FOXK1: variants seen among roughly 807,000 people sequenced by gnomAD.
FOXK1 encodes forkhead box K1.
In FOXK1, 19 loss-of-function variants were observed where a neutral mutation model predicts 51.9. The observed-to-expected ratio is 0.37, with a 90% CI of 0.26 to 0.54. The LOEUF (loss-of-function observed/expected upper bound fraction) is 0.54. FOXK1 is among the 20% of genes least tolerant of loss of function. The pLI, the probability that FOXK1 is intolerant of heterozygous loss-of-function variation, is 0.87. For synonymous variants in FOXK1, 537 were observed against 482.6 expected (o/e 1.11, Z -1.48); for missense variants, 870 against 1,032.7 (o/e 0.84, Z 2.16).
Position 4,683,648 on chromosome 7 carries a change from C to T in FOXK1, c.560+780C>T, listed in dbSNP as rs1178464297. Reference sequence around the variant, plus strand: ...CCTGGTTCTCAGGACCACCCCCGACCCCCACCAGCCAGGGCCTCAAGTCAC... The same window carrying T: ...CCTGGTTCTCAGGACCACCCCCGACTCCCACCAGCCAGGGCCTCAAGTCAC... On this transcript the variant is annotated intron_variant, in intron 1 of 8. Coordinates refer to ENST00000328914, the MANE Select transcript of FOXK1 (RefSeq NM_001037165.2). This position sits in a 1 kb window ranked among gnomAD's most constrained non-coding sequence, Gnocchi z 4.5. 6.6e-6 allele frequency among the ~76,000 whole-genome samples: 1 copy of T among 152,140 alleles called. No individual in the cohort carries two copies. The highest frequency in any genetic ancestry group is 1.5e-5 in the Non-Finnish European group (1 of 68,004).
chr7:4,728,068 G>A (rs982096518), intron 1 of FOXK1, among the ~76,000 whole-genome samples: 3 of 152,162 alleles, frequency 2.0e-5, no homozygotes, highest in Admixed American at 1.3e-4. Flanking sequence ...CTGGGCCCCC[G>A]GGACAGCAAC....
Position 4,729,551 on chromosome 7 carries a change from G to T in FOXK1, c.561-11287G>T, listed in dbSNP as rs1246663384. On this transcript the variant is annotated intron_variant, in intron 1 of 8. Transcript: ENST00000328914. This position sits in a 1 kb window ranked among gnomAD's most constrained non-coding sequence, Gnocchi z 6.2. ...TGCCGGGCCCCGGGAGCCCCACCCG[G>T]CAGGACACACACCTGAGCCCCAGGG... Among the ~76,000 whole-genome samples, 1 of 152,198 alleles carries T rather than the reference G, an allele frequency of 6.6e-6. No homozygotes were observed. Among genetic ancestry groups the T allele is most frequent in the African/African-American group, 2.4e-5 (1 of 41,472 alleles).
intron 1 of FOXK1, among the ~76,000 whole-genome samples, chr7:4,699,306 A>G (rs893975430): frequency 7.9e-5 from 11 of 138,524 alleles, no homozygotes; most frequent in African/African-American, 3.0e-4. Flanking sequence ...TTTTTTTGAG[A>G]CAGTCTCACT....
intron 2 of FOXK1, among the ~76,000 whole-genome samples, chr7:4,751,910 C>T (rs982251370): frequency 1.3e-5 from 2 of 152,116 alleles, no homozygotes; most frequent in South Asian, 4.1e-4. Context: ...TGAAATCATT[C>T]TCTGGGGAAT....
chr7:4,720,763 G>A (rs114492179), intron 1 of FOXK1, among the ~76,000 whole-genome samples: 2,285 of 151,140 alleles, frequency 0.015, 58 homozygotes, highest in African/African-American at 0.053. Context: ...GCAATGGCGC[G>A]ATCTCGGTGC....
In FOXK1 at chr7:4,682,619, C is replaced by G. The variant is rs762878185; in HGVS notation, c.311C>G (p.Pro104Arg). Residue 104 changes from proline to arginine, a missense_variant, in exon 1 of 9, where the codon CCG (proline) becomes CGG (arginine). By Grantham distance (103) the Pro-to-Arg change is moderately radical. Coordinates refer to ENST00000328914, the MANE Select transcript of FOXK1 (RefSeq NM_001037165.2). This position sits in a 1 kb window ranked among gnomAD's most constrained non-coding sequence, Gnocchi z 7.6. ...AAASVRQSPG[P>R]ALARLEGREF... ...GCCTCGGTACGGCAGAGCCCGGGGC[C>G]GGCGCTGGCGCGGCTGGAGGGCCGC... 2.6e-6 allele frequency: 4 copies of G among 1,516,382 alleles called. No individual in the cohort carries two copies. The highest frequency in any genetic ancestry group is 1.2e-5 in the South Asian group (1 of 81,682). The allele number at this position is 1,516,382 out of a possible 1,614,324, so 93.9% of individuals were successfully genotyped here.
In FOXK1 at chr7:4,715,576, T is replaced by C. The variant is rs1780223548; in HGVS notation, c.561-25262T>C. ...TAAGCAGAGCCAAGTTTAGAATGAA[T>C]GAATAGGATATTTTGAAATGCTCTG... On this transcript the variant is annotated intron_variant, in intron 1 of 8. Transcript: ENST00000328914. The surrounding 1 kb of genome is among the most constrained non-coding windows in gnomAD (Gnocchi z 4.5). Among the ~76,000 whole-genome samples the C allele has an allele frequency of 6.6e-6, 1 of 152,194 alleles. No individual in the cohort carries two copies. The highest frequency in any genetic ancestry group is 2.1e-4 in the South Asian group (1 of 4,828).
intron 1 of FOXK1, among the ~76,000 whole-genome samples, chr7:4,724,571 A>C (rs547454735): frequency 6.6e-6 from 1 of 152,100 alleles, no homozygotes; most frequent in African/African-American, 2.4e-5. Context: ...ATTTTGTCCA[A>C]ATGTGTCAAT....
rs1040853226 is a variant in FOXK1 at position 4,741,076 on chromosome 7, C to G, written c.746+53C>G. 5.4e-6 allele frequency: 7 copies of G among 1,299,194 alleles called. No individual in the cohort carries two copies. The African/African-American group carries it at 7.8e-5, about 14-fold the overall frequency. The allele number at this position is 1,299,194 out of a possible 1,614,324, so 80.5% of individuals were successfully genotyped here. On this transcript the variant is annotated intron_variant, in intron 2 of 8. Transcript: ENST00000328914. ...GCCCCCAGGAGAGAGGGGGATGATG[C>G]GAGCGTGCCTGTCGTACGCAGCACC...
rs1465537771 is a variant in FOXK1 at position 4,731,318 on chromosome 7, A to T, written c.561-9520A>T. Among the ~76,000 whole-genome samples the T allele has an allele frequency of 2.0e-5, 3 of 152,222 alleles. No homozygotes were observed. The highest frequency in any genetic ancestry group is 4.4e-5 in the Non-Finnish European group (3 of 68,038). ...ACCACTTAACAGAACCAGGCGAGCC[A>T]GGTTTAGTACTTTATCGGGTATCCT... is the stretch of plus-strand genomic sequence containing the variant. On this transcript the variant is annotated intron_variant, in intron 1 of 8. Coordinates refer to ENST00000328914, the MANE Select transcript of FOXK1 (RefSeq NM_001037165.2). The surrounding 1 kb of genome is among the most constrained non-coding windows in gnomAD (Gnocchi z 5.3).
rs191122524 is a variant in FOXK1 at position 4,760,915 on chromosome 7, A to G, written c.1697-149A>G. 11 of 677,172 alleles carry G rather than the reference A, an allele frequency of 1.6e-5. No homozygotes were observed. In the Admixed American group the frequency reaches 1.9e-4, roughly 12 times the overall value. The allele number at this position is 677,172 out of a possible 1,614,324, so 41.9% of individuals were successfully genotyped here. A position where few individuals can be genotyped will look rare whatever the true frequency, so the allele number is the denominator to read the frequency against. On this transcript the variant is annotated intron_variant, in intron 7 of 8. Coordinates refer to ENST00000328914, the MANE Select transcript of FOXK1 (RefSeq NM_001037165.2). ...CCCTAGTAATTTTCTTCCCAAACCT[A>G]TTTCACCCATGGGATTTTCCTCTAG...
Position 4,715,207 on chromosome 7 carries a change from G to T in FOXK1, c.561-25631G>T, listed in dbSNP as rs1432773768. On this transcript the variant is annotated intron_variant, in intron 1 of 8. Coordinates refer to ENST00000328914, the MANE Select transcript of FOXK1 (RefSeq NM_001037165.2). This position sits in a 1 kb window ranked among gnomAD's most constrained non-coding sequence, Gnocchi z 4.5. ...CACGGTGGAACTGTGGCGATACGGG[G>T]CACGGTGGAACTGTGATGATATCGG... Among the ~76,000 whole-genome samples, 1 of 152,172 alleles carries T rather than the reference G, an allele frequency of 6.6e-6. No individual in the cohort carries two copies. The highest frequency in any genetic ancestry group is 1.5e-5 in the Non-Finnish European group (1 of 68,030).
At chr7:4,740,592 C>CAG (rs113793628) in intron 1 of FOXK1, among the ~76,000 whole-genome samples, 13,311 of 151,838 alleles carry the variant, frequency 0.088, 1,029 homozygotes, top group African/African-American at 0.21. Context: ...GCCTGGGTGA[C>CAG]AGCGAGACTC....
At chr7:4,726,478 C>T (rs577076985) in intron 1 of FOXK1, among the ~76,000 whole-genome samples, 5 of 152,242 alleles carry the variant, frequency 3.3e-5, no homozygotes, top group South Asian at 2.1e-4. Context: ...AAAAGTTAGC[C>T]GGGCACAGTG....
rs1327542310 is a variant in FOXK1, at chr7:4,766,371, A to T, written c.*3907A>T. On this transcript the variant is annotated 3_prime_UTR_variant, in exon 9 of 9. Coordinates refer to ENST00000328914, the MANE Select transcript of FOXK1 (RefSeq NM_001037165.2). The surrounding 1 kb of genome is among the most constrained non-coding windows in gnomAD (Gnocchi z 5.5). Reference sequence around the variant, plus strand: ...GTCCCTATCCAGAGACCCTCCAGGCAGTGCTGGGAAGACACTGGTGGCGGG... The same window carrying T: ...GTCCCTATCCAGAGACCCTCCAGGCTGTGCTGGGAAGACACTGGTGGCGGG... 1 of 152,136 alleles carries T rather than the reference A, an allele frequency of 6.6e-6. No homozygotes were observed. Among genetic ancestry groups the T allele is most frequent in the East Asian group, 1.9e-4 (1 of 5,184 alleles). The allele number at this position is 152,136 out of a possible 1,614,324, so 9.4% of individuals were successfully genotyped here.
At chr7:4,704,742 G>C (rs932209247) in intron 1 of FOXK1, among the ~76,000 whole-genome samples, 1 of 150,824 alleles carries the variant, frequency 6.6e-6, no homozygotes, top group African/African-American at 2.5e-5. Context: ...TTCTTCTGTT[G>C]TTTCTGTAGA....
At position 4,747,345 on chromosome 7, in the gene FOXK1, G is replaced by A. The variant is rs963575104; in HGVS notation, c.746+6322G>A. 2.0e-4 allele frequency among the ~76,000 whole-genome samples: 30 copies of A among 152,318 alleles called. 1 individual carries two copies. The highest frequency in any genetic ancestry group is 1.2e-3 in the Admixed American group (18 of 15,304). ...ACCCCGGAACCTGCCTAGCTGCGGG[G>A]CCGCCTCTCCGCTCAAGCACCCACT... On this transcript the variant is annotated intron_variant, in intron 2 of 8. Transcript: ENST00000328914. The surrounding 1 kb of genome is among the most constrained non-coding windows in gnomAD (Gnocchi z 9.2).
At chr7:4,706,842 C>T (rs796112411) in intron 1 of FOXK1, among the ~76,000 whole-genome samples, 41 of 152,214 alleles carry the variant, frequency 2.7e-4, no homozygotes, top group African/African-American at 9.9e-4. Flanking sequence ...GCCCGGATGC[C>T]GACCCCCAAT....
At chr7:4,694,190 T>C (rs1467210951) in intron 1 of FOXK1, among the ~76,000 whole-genome samples, 14 of 152,216 alleles carry the variant, frequency 9.2e-5, no homozygotes, top group Non-Finnish European at 2.1e-4. Flanking sequence ...CCAGCCAGAA[T>C]GTGTTTGTAT....
Sources: gnomAD v4.1 joint callset for allele counts (sites outside exome capture counted in the v4.1 genomes callset) on GRCh38, gnomAD v4.1.1 for gene constraint, Gnocchi (gnomAD v3.1) non-coding constraint, MANE v1.5 for transcripts, NCBI Gene and HGNC (gene_info 2026-07-23, HGNC 2026-07-21) for gene names.